Variants in UBN2 observed in about 807,000 individuals in gnomAD.
UBN2 encodes ubinuclein-2.
A neutral mutation model predicts 120.2 loss-of-function variants in UBN2; 35 were observed. The ratio of observed to expected loss-of-function variants is 0.29; its 90% CI spans 0.22 to 0.39. The LOEUF (loss-of-function observed/expected upper bound fraction) is 0.39, where lower values mean the gene tolerates loss of function less well. UBN2 is among the 10% of genes least tolerant of loss of function. UBN2 has a pLI of 1.00. For synonymous variants in UBN2, 661 were observed against 648.7 expected, an observed-to-expected ratio of 1.02 and a Z score of -0.29; for missense variants, 1,693 against 1,663.2, an observed-to-expected ratio of 1.02 and a Z score of -0.31.
In UBN2 at chr7:139,269,414, A is replaced by C. The variant is rs773740685; in HGVS notation, c.1487A>C (p.Glu496Ala). 1 of 1,614,144 alleles carries C rather than the reference A, an allele frequency of 6.2e-7. No homozygotes were observed. Among genetic ancestry groups the C allele is most frequent in the Non-Finnish European group, 8.5e-7 (1 of 1,180,024 alleles). ...ILLDIELQLQ[E>A]LGPVIRSGVY... ...GCCAGCATTGAGTTACAGCTACAAG[A>C]ACTAGGCCCTGTCATTCGCAGTGGT... Residue 496 changes from glutamate to alanine, a missense_variant, in exon 8 of 18, where the codon GAA becomes GCA. Physicochemically the swap from Glu to Ala is moderately radical, Grantham distance 107. Transcript: ENST00000473989.
At chr7:139,288,129 A>G (rs1421365753) in intron 15 of UBN2, among the ~76,000 whole-genome samples, 4 of 152,168 alleles carry the variant, frequency 2.6e-5, no homozygotes, top group African/African-American at 9.7e-5. Context: ...GCAAATGTTT[A>G]TTGAGTGTTT....
downstream of UBN2, among the ~76,000 whole-genome samples, chr7:139,312,387 C>T (rs1026394007): frequency 1.3e-5 from 2 of 152,172 alleles, no homozygotes; most frequent in Non-Finnish European, 2.9e-5. Context: ...TACTGCTACA[C>T]GGATTCCCTA....
At chr7:139,247,981 CTG>C (rs1490595248) in intron 2 of UBN2, among the ~76,000 whole-genome samples, 1 of 152,170 alleles carries the variant, frequency 6.6e-6, no homozygotes, top group Non-Finnish European at 1.5e-5. Context: ...CTTCCCCTCT[CTG>C]TACTTAACTG....
rs377185593 is a variant in UBN2, at chr7:139,241,048, C to T, written c.561+3951C>T. On this transcript the variant is annotated intron_variant, in intron 2 of 17. Transcript: ENST00000473989. ...AAGGCTCCAAAATGTTTAGGCAAAA[C>T]ATCTTGGTTTCCAATTCAGTTTTTA... is the stretch of plus-strand genomic sequence containing the variant. Among the ~76,000 whole-genome samples, 8 of 152,168 alleles carry T rather than the reference C, an allele frequency of 5.3e-5. No individual in the cohort carries two copies. The East Asian group carries it at 5.8e-4, about 11-fold the overall frequency.
chr7:139,237,038 G>A lies in UBN2; in HGVS notation c.502G>A (p.Asp168Asn). ...CATTCACACAGAAGACCCATTTAAT[G>A]ATGAACATCAGGAGAGGCAAGAGGT... Reference protein sequence around the residue: ...KLIHTEDPFNDEHQERQEVEM... With the variant: ...KLIHTEDPFNNEHQERQEVEM... Residue 168 changes from aspartate (D) to asparagine (N), a missense_variant, in exon 2 of 18, where the codon GAT (aspartate) becomes AAT (asparagine). Transcript: ENST00000473989. 6.2e-7 allele frequency: 1 copy of A among 1,611,148 alleles called. No individual in the cohort carries two copies. Among genetic ancestry groups the A allele is most frequent in the Non-Finnish European group, 8.5e-7 (1 of 1,178,126 alleles).
chr7:139,283,577 C>T lies in UBN2; in HGVS notation c.2672C>T (p.Ser891Phe), dbSNP rs763554583. ...AGGTCAAGCCAGATTCACACTTCTT[C>T]CTCTTCACAGACCCATGTCTCCTCT... The part of the protein sequence containing the change: ...LQRSSQIHTS[S>F]SSQTHVSSSS... Residue 891 changes from serine (S) to phenylalanine (F), a missense_variant, in exon 15 of 18, where the codon TCC (serine) becomes TTC (phenylalanine). Around this residue, in one of 5 missense-constraint regions of UBN2, gnomAD observed 837 missense variants for 817.6 expected, o/e 1.02. Coordinates refer to ENST00000473989, the MANE Select transcript of UBN2 (RefSeq NM_173569.4). The T allele has an allele frequency of 3.1e-6, 5 of 1,614,060 alleles. No individual in the cohort carries two copies. In the African/African-American group the frequency reaches 5.3e-5, roughly 17 times the overall value.
intron 9 of UBN2, 140 bp downstream of exon 9, chr7:139,272,580 G>A (rs1797313407): frequency 1.6e-6 from 1 of 633,312 alleles, no homozygotes; most frequent in Middle Eastern, 3.9e-4. Flanking sequence ...AGGCTGGAGT[G>A]GAATGGTACG....
chr7:139,275,035 T>C lies in UBN2; in HGVS notation c.1973+961T>C, dbSNP rs528059670. 1.1e-4 allele frequency among the ~76,000 whole-genome samples: 16 copies of C among 152,190 alleles called. No individual in the cohort carries two copies. The East Asian group carries it at 2.9e-3, about 28-fold the overall frequency. On this transcript the variant is annotated intron_variant, in intron 11 of 17. Coordinates refer to ENST00000473989, the MANE Select transcript of UBN2 (RefSeq NM_173569.4). ...GCTCACACCTGTAATAGCAGCACTT[T>C]GGGAGGCCGAGGCTGGTGGATCACC...
chr7:139,288,017 T>C (rs971429418), intron 15 of UBN2, among the ~76,000 whole-genome samples: 3 of 152,222 alleles, frequency 2.0e-5, no homozygotes, highest in Admixed American at 6.5e-5. Flanking sequence ...TTAATAACTT[T>C]CCACACAGGG....
At chr7:139,286,923 G>A (rs1585026141) in intron 15 of UBN2, among the ~76,000 whole-genome samples, 1 of 152,168 alleles carries the variant, frequency 6.6e-6, no homozygotes. Flanking sequence ...ATGACTGGAT[G>A]CCAGAATTCT....
At chr7:139,257,243 A>G (rs767001306) in intron 3 of UBN2, among the ~76,000 whole-genome samples, 2 of 152,224 alleles carry the variant, frequency 1.3e-5, no homozygotes, top group African/African-American at 2.4e-5. Flanking sequence ...CTTTGGGAAC[A>G]TAAGTGTGAT....
chr7:139,326,512 T>C, the UBN2 span, among the ~76,000 whole-genome samples: 1 of 152,244 alleles, frequency 6.6e-6, no homozygotes, highest in Non-Finnish European at 1.5e-5. Context: ...TATCATTATC[T>C]GCCCACCTCT....
chr7:139,309,071 C>CA (rs979708493), downstream of UBN2, among the ~76,000 whole-genome samples: 91 of 151,122 alleles, frequency 6.0e-4, no homozygotes, highest in East Asian at 2.5e-3. Context: ...GTCTCAACAA[C>CA]AAAAAAAAGA....
intron 3 of UBN2, among the ~76,000 whole-genome samples, chr7:139,255,993 G>A (rs555813224): frequency 7.8e-4 from 119 of 152,278 alleles, no homozygotes; most frequent in Non-Finnish European, 1.4e-3. Flanking sequence ...CAAATTTGAT[G>A]TTAAGTGATT....
At chr7:139,272,530 G>T (rs1797311170) in intron 9 of UBN2, 90 bp downstream of exon 9, 1 of 867,664 alleles carries the variant, frequency 1.2e-6, no homozygotes, top group Non-Finnish European at 1.8e-6. Flanking sequence ...ATGTATGTAT[G>T]TATGTATGTA....
chr7:139,320,612 C>T, the UBN2 span, among the ~76,000 whole-genome samples: 1 of 152,130 alleles, frequency 6.6e-6, no homozygotes, highest in Non-Finnish European at 1.5e-5. Context: ...AATCCCAACA[C>T]TTTGGGAGGC....
At chr7:139,327,549 T>C in the UBN2 span, among the ~76,000 whole-genome samples, 5 of 152,150 alleles carry the variant, frequency 3.3e-5, no homozygotes, top group Non-Finnish European at 5.9e-5. Context: ...CAAACTCACT[T>C]TTATAACAAG....
At chr7:139,313,904 A>G in the UBN2 span, among the ~76,000 whole-genome samples, 7 of 150,368 alleles carry the variant, frequency 4.7e-5, no homozygotes, top group African/African-American at 1.7e-4. Flanking sequence ...GCTGGAGTGC[A>G]GTGGCGCAAT....
At chr7:139,290,108 G>A (rs940762145) in intron 15 of UBN2, among the ~76,000 whole-genome samples, 5 of 152,080 alleles carry the variant, frequency 3.3e-5, no homozygotes, top group African/African-American at 1.2e-4. Context: ...TGTATTTTTA[G>A]TAGAGACCGG....
Sources: gnomAD v4.1 joint callset for allele counts (sites outside exome capture counted in the v4.1 genomes callset) on GRCh38, gnomAD v4.1.1 for gene constraint, gnomAD v4.1.1 regional missense constraint, MANE v1.5 for transcripts, NCBI Gene and HGNC (gene_info 2026-07-23, HGNC 2026-07-21) for gene names.